Variants in PCDHGB1 observed in about 807,000 individuals in gnomAD.
The protein encoded by PCDHGB1 is protocadherin gamma subfamily B, 1, also known as protocadherin gamma-B1.
In PCDHGB1, 34 loss-of-function variants were observed where a neutral mutation model predicts 56.6. That is an observed-to-expected ratio of 0.60 (90% CI 0.46 to 0.80). The LOEUF (loss-of-function observed/expected upper bound fraction) is 0.80, where lower values mean the gene tolerates loss of function less well. Ranked by LOEUF, PCDHGB1 falls within the 30% of genes least tolerant of loss-of-function variation. PCDHGB1 has a pLI of 0.00. For missense variants in PCDHGB1, 1,278 were observed against 1,204.6 expected, an observed-to-expected ratio of 1.06 and a Z score of -0.90; for synonymous variants, 561 against 505.9, an observed-to-expected ratio of 1.11 and a Z score of -1.46.
chr5:141,356,212 C>G, intron 1 of PCDHGB1: 1 of 1,604,368 alleles, frequency 6.2e-7, no homozygotes. Flanking sequence ...GGTGACAGTT[C>G]TGGATGAAAA....
rs769679454 is a variant in PCDHGB1 at position 141,374,960 on chromosome 5, T to C, written c.2409+22291T>C. 15 of 1,614,060 alleles carry C rather than the reference T, an allele frequency of 9.3e-6. No homozygotes were observed. In the East Asian group the frequency reaches 1.6e-4, roughly 17 times the overall value. On this transcript the variant is annotated intron_variant, in intron 1 of 3. Coordinates refer to ENST00000523390, the MANE Select transcript of PCDHGB1 (RefSeq NM_018922.3). ...TACAGAAAAGATCTCACAAATTTTC[T>C]GTTTGAATGTTTTGACTGGAGAAAT...
intron 1 of PCDHGB1, chr5:141,478,160 GC>G (rs764598056): frequency 1.9e-6 from 3 of 1,613,964 alleles, no homozygotes; most frequent in Non-Finnish European, 2.5e-6. Flanking sequence ...CTCTGGCTCT[GC>G]CCCCCGGGAG....
At chr5:141,458,103 T>TA (rs1401283935) in intron 1 of PCDHGB1, among the ~76,000 whole-genome samples, 2 of 152,212 alleles carry the variant, frequency 1.3e-5, no homozygotes, top group Non-Finnish European at 2.9e-5. Context: ...TACTTACAGA[T>TA]AGTCTCCAAA....
intron 1 of PCDHGB1, chr5:141,413,354 C>T: frequency 6.2e-7 from 1 of 1,613,974 alleles, no homozygotes; most frequent in South Asian, 1.1e-5. Flanking sequence ...GGTCTGGCGC[C>T]CCGGGAGCTG....
chr5:141,478,040 C>G (rs773058963), intron 1 of PCDHGB1: 1 of 1,614,160 alleles, frequency 6.2e-7, no homozygotes, highest in Non-Finnish European at 8.5e-7. Context: ...TTCACCCAGG[C>G]AGACTCTCAC....
rs762476625 is a variant in PCDHGB1 at position 141,420,218 on chromosome 5, C to A, written c.2409+67549C>A. On this transcript the variant is annotated intron_variant, in intron 1 of 3. Coordinates refer to ENST00000523390, the MANE Select transcript of PCDHGB1 (RefSeq NM_018922.3). The stretch of plus-strand genomic sequence containing the variant: ...AGATAACCTCAACAAAGATAGCATG[C>A]TACTGGCTAGCATTTTAACTCCCAG... 4 of 1,608,408 alleles carry A rather than the reference C, an allele frequency of 2.5e-6. No individual in the cohort carries two copies. In the South Asian group the frequency reaches 4.4e-5, roughly 18 times the overall value.
intron 1 of PCDHGB1, chr5:141,376,677 T>TTTTTTTTTTG: frequency 9.5e-6 from 1 of 105,324 alleles, no homozygotes; most frequent in Non-Finnish European, 1.5e-5. Flanking sequence ...GAGGGTATCG[T>TTTTTTTTTTG]TTTTTTTTTT....
rs527250082 is a variant in PCDHGB1 at position 141,371,292 on chromosome 5, G to A, written c.2409+18623G>A. 2.0e-5 allele frequency: 33 copies of A among 1,613,858 alleles called. No individual in the cohort carries two copies. The highest frequency in any genetic ancestry group is 1.6e-4 in the Middle Eastern group (1 of 6,084). On this transcript the variant is annotated intron_variant, in intron 1 of 3. Transcript: ENST00000523390. ...GTTCAAGCTGGACAGTAAAACGGGG[G>A]AACTCACCACTATTGGAGAACTGGA...
chr5:141,492,464 C>G (rs1595116794), intron 1 of PCDHGB1, among the ~76,000 whole-genome samples: 1 of 152,354 alleles, frequency 6.6e-6, no homozygotes, highest in Non-Finnish European at 1.5e-5. Context: ...GCCTGAGGGT[C>G]CCAGATCGCG....
chr5:141,351,614 T>C lies in PCDHGB1; in HGVS notation c.1354T>C (p.Ser452Pro), dbSNP rs1275277369. The C allele has an allele frequency of 4.3e-6, 7 of 1,613,886 alleles. No homozygotes were observed. The highest frequency in any genetic ancestry group is 5.9e-6 in the Non-Finnish European group (7 of 1,179,890). Residue 452 changes from serine to proline, a missense_variant, in exon 1 of 4, where the codon TCC becomes CCC. By Grantham distance (74) the Ser-to-Pro change is moderately conservative. Transcript: ENST00000523390. ...NDNAPVFHQA[S>P]YVVHVSENNP... ...CAATGCACCTGTTTTCCATCAGGCC[T>C]CCTATGTGGTCCACGTGTCTGAGAA... is the stretch of plus-strand genomic sequence containing the variant.
At chr5:141,458,662 C>A (rs948275548) in intron 1 of PCDHGB1, among the ~76,000 whole-genome samples, 2 of 152,064 alleles carry the variant, frequency 1.3e-5, no homozygotes, top group Non-Finnish European at 2.9e-5. Flanking sequence ...CTCCACCTCT[C>A]GGGTTCAAGC....
intron 1 of PCDHGB1, chr5:141,371,436 A>C: frequency 6.2e-7 from 1 of 1,613,990 alleles, no homozygotes; most frequent in Non-Finnish European, 8.5e-7. Flanking sequence ...CCCGGAGATA[A>C]CCCTGGCTTC....
chr5:141,450,006 C>CTATTTTT lies in PCDHGB1; in HGVS notation c.2410-44800_2410-44799insATTTTTT, dbSNP rs70988802. On this transcript the variant is annotated intron_variant, in intron 1 of 3. Coordinates refer to ENST00000523390, the MANE Select transcript of PCDHGB1 (RefSeq NM_018922.3). ...CACATTGCATTTAGTTGCCATGTCTCTTTTTTTTTTTTTTTTTTGAGACAG... is the reference window on the plus strand; with the variant it reads ...CACATTGCATTTAGTTGCCATGTCTCTATTTTTTTTTTTTTTTTTTTTTTTGAGACAG... Among the ~76,000 whole-genome samples, 248 of 132,920 alleles carry CTATTTTT rather than the reference C, an allele frequency of 1.9e-3. 8 individuals carry two copies. Among genetic ancestry groups the CTATTTTT allele is most frequent in the African/African-American group, 4.3e-3 (154 of 35,586 alleles). 87.2% of individuals were successfully genotyped at this position (132,920 alleles called of 152,430 possible). A position where few individuals can be genotyped will look rare whatever the true frequency, so the allele number is the denominator to read the frequency against.
At chr5:141,409,137 T>G (rs748502213) in intron 1 of PCDHGB1, 1 of 1,613,936 alleles carries the variant, frequency 6.2e-7, no homozygotes, top group Non-Finnish European at 8.5e-7. Flanking sequence ...TTTGAAGATG[T>G]AGAAAGGTAC....
chr5:141,469,404 G>A (rs1439441297), intron 1 of PCDHGB1, among the ~76,000 whole-genome samples: 7 of 151,874 alleles, frequency 4.6e-5, no homozygotes, highest in African/African-American at 1.5e-4. Flanking sequence ...GTGAAACCCC[G>A]TTTCTACTAA....
rs751939973 is a variant in PCDHGB1 at position 141,351,626 on chromosome 5, C to T, written c.1366C>T (p.His456Tyr). 1.2e-6 allele frequency: 2 copies of T among 1,614,070 alleles called. No homozygotes were observed. The highest frequency in any genetic ancestry group is 1.1e-5 in the South Asian group (1 of 91,086). Residue 456 changes from histidine (H) to tyrosine (Y), a missense_variant, in exon 1 of 4, where the codon CAC becomes TAC. Transcript: ENST00000523390. The part of the protein sequence containing the change: ...PVFHQASYVV[H>Y]VSENNPPGAS... The stretch of plus-strand genomic sequence containing the variant: ...TTTCCATCAGGCCTCCTATGTGGTC[C>T]ACGTGTCTGAGAACAACCCACCTGG...
At chr5:141,354,470 G>A (rs1446177530) in intron 1 of PCDHGB1, among the ~76,000 whole-genome samples, 1 of 152,216 alleles carries the variant, frequency 6.6e-6, no homozygotes, top group Non-Finnish European at 1.5e-5. Flanking sequence ...CATTTGTACA[G>A]GGTAAGGCTA....
chr5:141,399,012 A>G (rs767195686), intron 1 of PCDHGB1: 7 of 1,613,946 alleles, frequency 4.3e-6, no homozygotes, highest in Admixed American at 3.3e-5. Context: ...CAAAGAGCGG[A>G]GAAATTACCA....
At chr5:141,401,016 A>G (rs910501602) in intron 1 of PCDHGB1, among the ~76,000 whole-genome samples, 2 of 152,182 alleles carry the variant, frequency 1.3e-5, no homozygotes, top group Admixed American at 6.5e-5. Context: ...TAATGGATTT[A>G]TGATTTTTTG....
Sources: allele counts gnomAD v4.1 joint callset (sites outside exome capture counted in the v4.1 genomes callset), GRCh38; gene constraint gnomAD v4.1.1; transcripts MANE v1.5; gene names NCBI Gene and HGNC (gene_info 2026-07-23, HGNC 2026-07-21).